The following PLCB1 variants were observed in gnomAD, a reference collection of about 807,000 sequenced individuals.
The protein encoded by PLCB1 is phospholipase C beta 1.
A neutral mutation model predicts 161.8 loss-of-function variants in PLCB1; 46 were observed. That is an observed-to-expected ratio of 0.28 (90% confidence interval 0.22 to 0.36). The LOEUF (loss-of-function observed/expected upper bound fraction) is 0.36. Ranked by LOEUF, PLCB1 falls within the 10% of genes least tolerant of loss-of-function variation. PLCB1 has a pLI of 1.00. For missense variants in PLCB1, 1,016 were observed against 1,472.5 expected (o/e 0.69, Z 5.07); for synonymous variants, 517 against 503.7 (o/e 1.03, Z -0.35).
chr20:8,432,921 C>A (rs1171322371), intron 3 of PLCB1, among the ~76,000 whole-genome samples: 1 of 152,112 alleles, frequency 6.6e-6, no homozygotes, highest in Non-Finnish European at 1.5e-5. Context: ...CAGTGGCGCC[C>A]GTGGGATTGT....
intron 3 of PLCB1, among the ~76,000 whole-genome samples, chr20:8,433,456 G>C (rs1395308205): frequency 1.7e-5 from 2 of 116,604 alleles, no homozygotes; most frequent in African/African-American, 7.2e-5. Flanking sequence ...CTTCCATAAA[G>C]AGGGGAACTG....
At chr20:8,748,967 C>T (rs1297927964) in intron 23 of PLCB1, among the ~76,000 whole-genome samples, 1 of 152,074 alleles carries the variant, frequency 6.6e-6, no homozygotes, top group Non-Finnish European at 1.5e-5. Context: ...TTTTTTTCAA[C>T]GTGCATACAG....
intron 31 of PLCB1, among the ~76,000 whole-genome samples, chr20:8,807,638 G>GA (rs1031980913): frequency 3.3e-5 from 5 of 151,556 alleles, no homozygotes; most frequent in African/African-American, 1.2e-4. Context: ...TAGGTGCTGG[G>GA]AAAAAACACA....
Position 8,881,710 on chromosome 20 carries a change from G to A in PLCB1, c.3512G>A (p.Gly1171Glu), listed in dbSNP as rs145966488. ...GAATTCGTGCAGGAAGCCATGAAAG[G>A]AAAGATCAGTGAAGACAGCAATCAC... ...ILEFVQEAMK[G>E]KISEDSNHGS... The change falls in exon 32 of 32, where the codon GGA becomes GAA. Residue 1171 changes from glycine to glutamate, a missense_variant. Physicochemically the swap from Gly to Glu is moderately conservative, Grantham distance 98. This residue lies in a region of PLCB1 where 398 missense variants were observed against 445.4 expected (regional missense o/e 0.89). Coordinates refer to ENST00000338037, the MANE Select transcript of PLCB1 (RefSeq NM_015192.4). 1 of 1,613,934 alleles carries A rather than the reference G, an allele frequency of 6.2e-7. No homozygotes were observed. Among genetic ancestry groups the A allele is most frequent in the African/African-American group, 1.3e-5 (1 of 74,910 alleles).
intron 3 of PLCB1, among the ~76,000 whole-genome samples, chr20:8,396,255 A>G (rs1259239274): frequency 6.6e-6 from 1 of 152,068 alleles, no homozygotes; most frequent in Non-Finnish European, 1.5e-5. Context: ...CTTTACCTCA[A>G]TTAATAAGGT....
intron 23 of PLCB1, chr20:8,751,114 T>TG (rs1339491430): frequency 3.7e-6 from 1 of 269,456 alleles, no homozygotes; most frequent in Admixed American, 4.8e-5. Context: ...TTTTTTTTTT[T>TG]TTTGTAGTTT....
At chr20:8,439,996 C>A (rs887189058) in intron 3 of PLCB1, among the ~76,000 whole-genome samples, 2 of 151,972 alleles carry the variant, frequency 1.3e-5, no homozygotes, top group African/African-American at 4.8e-5. Context: ...GTTAAGGGTA[C>A]ATAAGGCAGT....
chr20:8,500,490 G>A (rs1419436068), intron 3 of PLCB1, among the ~76,000 whole-genome samples: 1 of 152,158 alleles, frequency 6.6e-6, no homozygotes, highest in Non-Finnish European at 1.5e-5. Context: ...TGGTAGGTTT[G>A]ACAGCTGCAT....
intron 9 of PLCB1, among the ~76,000 whole-genome samples, chr20:8,684,616 G>A (rs984858100): frequency 6.6e-6 from 1 of 152,042 alleles, no homozygotes; most frequent in Admixed American, 6.6e-5. Flanking sequence ...CTATTACACA[G>A]AGATAAGCAC....
rs182919104 is a variant in PLCB1 at position 8,877,781 on chromosome 20, C to G, written c.3424-3841C>G. On this transcript the variant is annotated intron_variant, in intron 31 of 31. Transcript: ENST00000338037. ...GCTCTAACTTGGAATGTAATAAATA[C>G]AATTTTGAAATTAGTTCATTAATAA... Among the ~76,000 whole-genome samples, 317 of 152,262 alleles carry G rather than the reference C, an allele frequency of 2.1e-3. 2 individuals are homozygous for G. Among genetic ancestry groups the G allele is most frequent in the Admixed American group, 5.6e-3 (86 of 15,290 alleles).
chr20:8,538,940 C>A (rs569643446), intron 3 of PLCB1, among the ~76,000 whole-genome samples: 1 of 151,850 alleles, frequency 6.6e-6, no homozygotes, highest in Non-Finnish European at 1.5e-5. Context: ...ATTACAGGCG[C>A]CTGCCACCAC....
At position 8,339,615 on chromosome 20, in the gene PLCB1, G is replaced by A. The variant is rs80057863; in HGVS notation, c.178-31767G>A. ...CTCACCTCTGCCTGTTTTCTCTCACGCCCAGTTCATGTGTATTCATACAGC... is the reference window on the plus strand; with the variant it reads ...CTCACCTCTGCCTGTTTTCTCTCACACCCAGTTCATGTGTATTCATACAGC... On this transcript the variant is annotated intron_variant, in intron 2 of 31. Transcript: ENST00000338037. Among the ~76,000 whole-genome samples the A allele has an allele frequency of 3.9e-3, 589 of 152,200 alleles. 2 individuals carry two copies. The highest frequency in any genetic ancestry group is 6.0e-3 in the Non-Finnish European group (407 of 68,012).
intron 26 of PLCB1, among the ~76,000 whole-genome samples, chr20:8,766,206 A>G (rs142548709): frequency 3.9e-5 from 6 of 152,222 alleles, no homozygotes; most frequent in Non-Finnish European, 5.9e-5. Flanking sequence ...AATCATCTCA[A>G]ATAGTAACAT....
At chr20:8,719,771 T>TA (rs1190937580) in intron 14 of PLCB1, among the ~76,000 whole-genome samples, 1 of 152,164 alleles carries the variant, frequency 6.6e-6, no homozygotes, top group Non-Finnish European at 1.5e-5. Flanking sequence ...ACTGTGGACT[T>TA]ACGACGTGTA....
At chr20:8,275,246 C>CGTGT (rs1209090719) in intron 2 of PLCB1, among the ~76,000 whole-genome samples, 4 of 50,868 alleles carry the variant, frequency 7.9e-5, no homozygotes, top group Admixed American at 2.3e-4. Context: ...TTTGCATCAG[C>CGTGT]GTGAGTGTGT....
At chr20:8,682,379 A>G (rs1465166075) in intron 9 of PLCB1, among the ~76,000 whole-genome samples, 2 of 152,082 alleles carry the variant, frequency 1.3e-5, no homozygotes, top group African/African-American at 2.4e-5. Flanking sequence ...GTGCATGCCT[A>G]TGGTCCCAGC....
At chr20:8,774,136 C>T (rs1039841265) in intron 26 of PLCB1, among the ~76,000 whole-genome samples, 1 of 152,204 alleles carries the variant, frequency 6.6e-6, no homozygotes, top group African/African-American at 2.4e-5. Flanking sequence ...ATGCAGTGTC[C>T]TCTGAAGTTT....
intron 2 of PLCB1, among the ~76,000 whole-genome samples, chr20:8,352,424 T>C (rs1986209782): frequency 6.6e-6 from 1 of 152,056 alleles, no homozygotes; most frequent in African/African-American, 2.4e-5. Flanking sequence ...ACGTATGAGG[T>C]ACTATGCATT....
intron 15 of PLCB1, among the ~76,000 whole-genome samples, chr20:8,722,763 C>A (rs1159217547): frequency 6.6e-6 from 1 of 152,084 alleles, no homozygotes; most frequent in East Asian, 1.9e-4. Flanking sequence ...AGCAGATCAA[C>A]TGGAATTTTA....
Sources: gnomAD v4.1 joint callset for allele counts (sites outside exome capture counted in the v4.1 genomes callset) on GRCh38, gnomAD v4.1.1 for gene constraint, gnomAD v4.1.1 regional missense constraint, MANE v1.5 for transcripts, NCBI Gene and HGNC (gene_info 2026-07-23, HGNC 2026-07-21) for gene names.